KIF7: variants seen among roughly 807,000 people sequenced by gnomAD.
KIF7 encodes the protein kinesin-like protein KIF7.
Under a neutral mutation model 135.7 loss-of-function variants are expected in KIF7, and 104 were observed. The ratio of observed to expected loss-of-function variants is 0.77; its 90% CI spans 0.65 to 0.90. The LOEUF (loss-of-function observed/expected upper bound fraction) is 0.90. Ranked by LOEUF, KIF7 falls within the 40% of genes least tolerant of loss-of-function variation. The pLI is 0.00. For missense variants in KIF7, 2,005 were observed against 1,839.1 expected (o/e 1.09, Z -1.65); for synonymous variants, 883 against 809.4 (o/e 1.09, Z -1.54).
At chr15:89,651,306 G>A (rs1454280712) in intron 2 of KIF7, among the ~76,000 whole-genome samples, 1 of 152,106 alleles carries the variant, frequency 6.6e-6, no homozygotes, top group East Asian at 1.9e-4. Context: ...CACCATGTTG[G>A]CCAGGATGGT....
intron 7 of KIF7, 87 bp from the exon 8 acceptor site, chr15:89,646,113 C>G (rs547790342): frequency 6.6e-7 from 1 of 1,526,306 alleles, no homozygotes; most frequent in African/African-American, 1.4e-5. Flanking sequence ...TCTCCCTCCT[C>G]AAGCCCTGCC....
downstream of KIF7, chr15:89,624,788 C>T (rs900265007): frequency 6.2e-7 from 1 of 1,614,202 alleles, no homozygotes; most frequent in Non-Finnish European, 8.5e-7. Flanking sequence ...GGGCTAAGGA[C>T]AGCAGATGCT....
chr15:89,634,474 C>A (rs948162906), intron 11 of KIF7, among the ~76,000 whole-genome samples: 2 of 152,160 alleles, frequency 1.3e-5, no homozygotes, highest in East Asian at 1.9e-4. Flanking sequence ...GTGCGCGCAC[C>A]GTGCGCGAGC....
the KIF7 span, among the ~76,000 whole-genome samples, chr15:89,661,666 C>G: frequency 2.0e-5 from 3 of 152,116 alleles, no homozygotes; most frequent in African/African-American, 7.2e-5. Context: ...GCAGAAGTTT[C>G]CATTGACCCA....
chr15:89,656,917 C>T (rs190627973), upstream of KIF7, among the ~76,000 whole-genome samples: 3 of 152,202 alleles, frequency 2.0e-5, no homozygotes, highest in East Asian at 5.8e-4. Context: ...ATTTTAGACC[C>T]TGAAAATGTG....
At chr15:89,660,362 C>A (rs1460715119), upstream of KIF7, among the ~76,000 whole-genome samples, 3 of 152,182 alleles carry the variant, frequency 2.0e-5, no homozygotes, top group Non-Finnish European at 4.4e-5. Context: ...TATTTCCCAT[C>A]CCCCTTTTAA....
downstream of KIF7, chr15:89,624,168 T>A (rs778370830): frequency 3.7e-6 from 6 of 1,613,950 alleles, no homozygotes; most frequent in Non-Finnish European, 5.1e-6. Flanking sequence ...AACTAAAGGA[T>A]AAAGCTATCA....
intron 14 of KIF7, among the ~76,000 whole-genome samples, chr15:89,632,257 ACGGCCATCCCCCTC>A (rs1963696052): frequency 6.6e-6 from 1 of 152,166 alleles, no homozygotes; most frequent in South Asian, 2.1e-4. Context: ...TGCATCAATG[ACGGCCATCCCCCTC>A]CAGCCATCAT....
chr15:89,628,607 G>A lies in KIF7; in HGVS notation c.3844C>T (p.Leu1282=). The A allele has an allele frequency of 1.9e-6, 3 of 1,613,448 alleles. No homozygotes were observed. Among genetic ancestry groups the A allele is most frequent in the Non-Finnish European group, 2.5e-6 (3 of 1,180,014 alleles). ...PLPLTWKRSS[L]CGEEQGSPEE... ...GGGGACCCCTGCTCCTCACCACACA[G>A]GCTCGAGCGTTTCCAGGTCAAGGGT... Residue 1282 remains leucine, a synonymous_variant, in exon 19 of 19, where the codon CTG becomes TTG. Coordinates refer to ENST00000394412, the MANE Select transcript of KIF7 (RefSeq NM_198525.3).
chr15:89,645,907 G>C lies in KIF7; in HGVS notation c.1908C>G (p.Thr636=), dbSNP rs199955444. The change falls in exon 8 of 19, where the codon ACC becomes ACG. Residue 636 remains threonine, a synonymous_variant. Transcript: ENST00000394412. ...GTCCCACTCACCTGCGCAGGTGTAA[G>C]GTCCGCCTGGGCGGCTCCTCCTCCT... ...EEEEEEPPRR[T]LHLRRNRISN... is the part of the protein sequence containing the mutation. 2 of 1,613,496 alleles carry C rather than the reference G, an allele frequency of 1.2e-6. No individual in the cohort carries two copies. Among genetic ancestry groups the C allele is most frequent in the Admixed American group, 3.3e-5 (2 of 60,014 alleles).
chr15:89,639,911 G>C (rs2142012982), intron 11 of KIF7, among the ~76,000 whole-genome samples: 1 of 152,240 alleles, frequency 6.6e-6, no homozygotes, highest in East Asian at 1.9e-4. Context: ...AACAATGATA[G>C]ACTGGATTAA....
At chr15:89,658,530 T>C (rs149287989), upstream of KIF7, among the ~76,000 whole-genome samples, 16 of 151,610 alleles carry the variant, frequency 1.1e-4, no homozygotes, top group Middle Eastern at 3.4e-3. Context: ...AAGAAAAAAA[T>C]TGGATTCCTA....
intron 11 of KIF7, among the ~76,000 whole-genome samples, chr15:89,634,455 G>T (rs1412051899): frequency 6.6e-6 from 1 of 152,214 alleles, no homozygotes; most frequent in Non-Finnish European, 1.5e-5. Context: ...AGTGGGCGCA[G>T]GTCAGTGGGT....
chr15:89,648,511 G>A lies in KIF7; in HGVS notation c.1187C>T (p.Thr396Ile). The A allele has an allele frequency of 9.3e-7, 1 of 1,074,214 alleles. No individual in the cohort carries two copies. The highest frequency in any genetic ancestry group is 1.1e-6 in the Non-Finnish European group (1 of 886,274). The allele number at this position is 1,074,214 out of a possible 1,614,324, so 66.5% of individuals were successfully genotyped here. Residue 396 changes from threonine to isoleucine, a missense_variant, in exon 5 of 19, where the codon ACC (threonine) becomes ATC (isoleucine). Coordinates refer to ENST00000394412, the MANE Select transcript of KIF7 (RefSeq NM_198525.3). Reference sequence around the variant, plus strand: ...GCGCATGGCGGCCGCCGCGGAGGCGGTGGCTGGGCCTGGGGCGCGCCGGCC... The same window carrying A: ...GCGCATGGCGGCCGCCGCGGAGGCGATGGCTGGGCCTGGGGCGCGCCGGCC... ...HRGRRAPGPATASAAAAMRLG... is the reference protein window; with the variant it reads ...HRGRRAPGPAIASAAAAMRLG...
Position 89,647,012 on chromosome 15 carries a change from G to T in KIF7, c.1606C>A (p.Leu536Met). Residue 536 changes from leucine (L) to methionine (M), a missense_variant, in exon 7 of 19, where the codon CTG becomes ATG. Coordinates refer to ENST00000394412, the MANE Select transcript of KIF7 (RefSeq NM_198525.3). ...CCTGGCCGCACCAGCTCTAACCGCA[G>T]CCGCAGTTCCACCATCTCCTCCTGC... ...EQQEEMVELR[L>M]RLELVRPGWG... The T allele has an allele frequency of 6.2e-7, 1 of 1,611,520 alleles. No homozygotes were observed.
chr15:89,621,491 G>C (rs1321295456), intron 1 of KIF7: 1 of 1,614,114 alleles, frequency 6.2e-7, no homozygotes, highest in Admixed American at 1.7e-5. Flanking sequence ...AAAGGGTTCA[G>C]CTCGAATGAA....
chr15:89,631,125 TTC>T (rs1567058252), intron 15 of KIF7: 1 of 271,188 alleles, frequency 3.7e-6, no homozygotes, highest in Non-Finnish European at 7.1e-6. Context: ...CACATAGGCT[TTC>T]TCTCTGCTCA....
upstream of KIF7, among the ~76,000 whole-genome samples, chr15:89,658,179 G>C (rs1375456385): frequency 6.6e-6 from 1 of 152,180 alleles, no homozygotes; most frequent in Non-Finnish European, 1.5e-5. Context: ...GGCTGAGTAT[G>C]GTGGCTCATG....
Position 89,630,401 on chromosome 15 carries a change from C to G in KIF7, c.3204G>C (p.Arg1068=). ...GCAACGAGGCTGAGGCCCGAAGCACCCGCTGGCGGCATGTGATGGCCTCAT... is the reference window on the plus strand; with the variant it reads ...GCAACGAGGCTGAGGCCCGAAGCACGCGCTGGCGGCATGTGATGGCCTCAT... ...YKNEAITCRQ[R]VLRASASLLS... is the part of the protein sequence containing the mutation. Residue 1068 remains arginine, a synonymous_variant, in exon 16 of 19, where the codon CGG becomes CGC. Transcript: ENST00000394412. 6.2e-7 allele frequency: 1 copy of G among 1,612,170 alleles called. No homozygotes were observed. The highest frequency in any genetic ancestry group is 1.1e-5 in the South Asian group (1 of 90,574).
Sources: allele counts gnomAD v4.1 joint callset (sites outside exome capture counted in the v4.1 genomes callset), GRCh38; gene constraint gnomAD v4.1.1; transcripts MANE v1.5; gene names NCBI Gene and HGNC (gene_info 2026-07-23, HGNC 2026-07-21).